GATD1: variants seen among roughly 807,000 people sequenced by gnomAD.
GATD1 encodes the protein glutamine amidotransferase-like class 1 domain-containing protein 1.
Under a neutral mutation model 25.9 loss-of-function variants are expected in GATD1, and 23 were observed. That is an observed-to-expected ratio of 0.89 (90% CI 0.64 to 1.26). The LOEUF is 1.26. Among genes scored for constraint, GATD1 ranks in the 50% most tolerant of loss-of-function variants. The pLI, the probability that GATD1 is intolerant of heterozygous loss-of-function variation, is 0.00. For missense variants in GATD1, 347 were observed against 312.5 expected, an observed-to-expected ratio of 1.11 and a Z score of -0.83; for synonymous variants, 177 against 134.6, an observed-to-expected ratio of 1.31 and a Z score of -2.18.
rs1863195162 is a variant in GATD1 at position 768,662 on chromosome 11, A to G, written c.*2235T>C. 6.6e-6 allele frequency: 1 copy of G among 151,786 alleles called. No individual in the cohort carries two copies. The highest frequency in any genetic ancestry group is 1.5e-5 in the Non-Finnish European group (1 of 67,968). 9.4% of individuals were successfully genotyped at this position (151,786 alleles called of 1,614,324 possible). A position where few individuals can be genotyped will look rare whatever the true frequency, so the allele number is the denominator to read the frequency against. Reference sequence around the variant, plus strand: ...AGTGAGACTCCATCCAAAAAATAAAATAAAAATAAAAAAGTACTTGTTAGC... The same window carrying G: ...AGTGAGACTCCATCCAAAAAATAAAGTAAAAATAAAAAAGTACTTGTTAGC... On this transcript the variant is annotated 3_prime_UTR_variant, in exon 8 of 8. Coordinates refer to ENST00000319863, the MANE Select transcript of GATD1 (RefSeq NM_182612.4).
intron 5 of GATD1, 126 bp from the exon 6 acceptor site, chr11:771,552 A>C (rs774755865): frequency 2.1e-6 from 3 of 1,421,734 alleles, no homozygotes; most frequent in Admixed American, 6.0e-5. Flanking sequence ...GTCACTGCTC[A>C]TAACAGGGAC....
At chr11:775,608 C>A (rs980065043) in intron 1 of GATD1, among the ~76,000 whole-genome samples, 11 of 152,182 alleles carry the variant, frequency 7.2e-5, no homozygotes, top group Admixed American at 7.2e-4. Context: ...CTCACTGAAC[C>A]ACCAGGGACT....
At position 777,408 on chromosome 11, in the gene GATD1, C is replaced by A; in HGVS notation, c.55G>T (p.Ala19Ser). ...RPACLLVASG[A>S]AEGVSAQSFL... ...GGCCGCCGGGCCTCACCTTCGGCGG[C>A]GCCGCTGGCCACGAGCAGACAGGCG... The change falls in exon 1 of 8, where the codon GCC (alanine) becomes TCC (serine). Residue 19 changes from alanine to serine, a missense_variant. Ala to Ser is a moderately conservative substitution (Grantham distance 99). Transcript: ENST00000319863. The A allele has an allele frequency of 7.7e-7, 1 of 1,296,068 alleles. No individual in the cohort carries two copies. The highest frequency in any genetic ancestry group is 9.8e-7 in the Non-Finnish European group (1 of 1,020,588). 80.3% of individuals were successfully genotyped at this position (1,296,068 alleles called of 1,614,324 possible).
chr11:776,324 C>G (rs904662171), intron 1 of GATD1, among the ~76,000 whole-genome samples: 1 of 152,096 alleles, frequency 6.6e-6, no homozygotes, highest in Admixed American at 6.6e-5. Context: ...TGTAAAATGT[C>G]CACTTATCGA....
At chr11:776,147 TAA>T (rs1218242342) in intron 1 of GATD1, among the ~76,000 whole-genome samples, 1 of 151,842 alleles carries the variant, frequency 6.6e-6, no homozygotes, top group Admixed American at 6.6e-5. Context: ...CACGCCCAGC[TAA>T]TTTTTGTACT....
intron 1 of GATD1, among the ~76,000 whole-genome samples, chr11:775,976 C>CT (rs71022972): frequency 0.12 from 8,759 of 70,890 alleles, 2,014 homozygotes; most frequent in African/African-American, 0.28. Flanking sequence ...TATCTTCATT[C>CT]TTTTTTTTTT....
At position 767,421 on chromosome 11, in the gene GATD1, G is replaced by C. The variant is rs1394874791; in HGVS notation, c.*3476C>G. 2.0e-6 allele frequency: 3 copies of C among 1,516,270 alleles called. No homozygotes were observed. In the East Asian group the frequency reaches 7.4e-5, roughly 37 times the overall value. The allele number at this position is 1,516,270 out of a possible 1,614,324, so 93.9% of individuals were successfully genotyped here. ...CAGCGGGGAGGCTCTCCAAGCCAGA[G>C]GCCTCGCACGCAGCTGAGGAATGAC... is the stretch of plus-strand genomic sequence containing the variant. On this transcript the variant is annotated 3_prime_UTR_variant, in exon 8 of 8. Transcript: ENST00000319863.
rs756923954 is a variant in GATD1, at chr11:771,424, G to C, written c.453C>G (p.Pro151=). The change falls in exon 6 of 8, where the codon CCC becomes CCG. Residue 151 remains proline, a splice_region_variant and synonymous_variant. Coordinates refer to ENST00000319863, the MANE Select transcript of GATD1 (RefSeq NM_182612.4). The part of the protein sequence containing the change: ...WVFDSYSLTG[P]SVCELVRAPG... ...GGGCCCTGACGAGCTCACACACAGA[G>C]GGCTGCGGGAGCGGGGTGGGGGCTC... The C allele has an allele frequency of 2.6e-6, 4 of 1,529,278 alleles. No homozygotes were observed. Among genetic ancestry groups the C allele is most frequent in the Non-Finnish European group, 3.5e-6 (4 of 1,142,212 alleles). The allele number at this position is 1,529,278 out of a possible 1,614,324, so 94.7% of individuals were successfully genotyped here. A position where few individuals can be genotyped will look rare whatever the true frequency, so the allele number is the denominator to read the frequency against.
rs77965970 is a variant in GATD1 at position 770,732 on chromosome 11, C to T, written c.*165G>A. ...GGACCCTCCAGGAGAGCCGACACCC[C>T]CTCAGAGCTGATTCCAGGAGGCCTC... On this transcript the variant is annotated 3_prime_UTR_variant, in exon 8 of 8. Transcript: ENST00000319863. 1.1e-4 allele frequency: 160 copies of T among 1,482,044 alleles called. No homozygotes were observed. The African/African-American group carries it at 2.0e-3, about 19-fold the overall frequency. 91.8% of individuals were successfully genotyped at this position (1,482,044 alleles called of 1,614,324 possible).
Position 770,333 on chromosome 11 carries a change from G to T in GATD1, c.*564C>A. On this transcript the variant is annotated 3_prime_UTR_variant, in exon 8 of 8. Transcript: ENST00000319863. The stretch of plus-strand genomic sequence containing the variant: ...GCTTACACTTTGAAACCACACGCCA[G>T]GAAGATTTCTTCAACAGGAAAGTGC... The T allele has an allele frequency of 1.3e-6, 2 of 1,534,560 alleles. No individual in the cohort carries two copies. Among genetic ancestry groups the T allele is most frequent in the Middle Eastern group, 1.7e-4 (1 of 5,976 alleles).
At position 770,592 on chromosome 11, in the gene GATD1, C is replaced by A; in HGVS notation, c.*305G>T. On this transcript the variant is annotated 3_prime_UTR_variant, in exon 8 of 8. Coordinates refer to ENST00000319863, the MANE Select transcript of GATD1 (RefSeq NM_182612.4). ...GACCACACGTGACAACCAGTCCTCC[C>A]TAGAAAACCCAGCCTGGAATTCCCG... The A allele has an allele frequency of 7.1e-7, 1 of 1,412,874 alleles. No homozygotes were observed. The allele number at this position is 1,412,874 out of a possible 1,614,324, so 87.5% of individuals were successfully genotyped here. A position where few individuals can be genotyped will look rare whatever the true frequency, so the allele number is the denominator to read the frequency against.
At position 767,515 on chromosome 11, in the gene GATD1, C is replaced by T. The variant is rs899282753; in HGVS notation, c.*3382G>A. 107 of 1,427,254 alleles carry T rather than the reference C, an allele frequency of 7.5e-5. No homozygotes were observed. The highest frequency in any genetic ancestry group is 2.6e-4 in the Middle Eastern group (1 of 3,902). The allele number at this position is 1,427,254 out of a possible 1,614,324, so 88.4% of individuals were successfully genotyped here. On this transcript the variant is annotated 3_prime_UTR_variant, in exon 8 of 8. Transcript: ENST00000319863. ...CCCCGCGTCAGAACCCACTTCACAT[C>T]CCAAAGCCCCACCTGCTTTGATCTT...
chr11:767,394 C>A lies in GATD1; in HGVS notation c.*3503G>T. 6.5e-7 allele frequency: 1 copy of A among 1,533,230 alleles called. No individual in the cohort carries two copies. Among genetic ancestry groups the A allele is most frequent in the Non-Finnish European group, 8.7e-7 (1 of 1,145,492 alleles). 95.0% of individuals were successfully genotyped at this position (1,533,230 alleles called of 1,614,324 possible). On this transcript the variant is annotated 3_prime_UTR_variant, in exon 8 of 8. Coordinates refer to ENST00000319863, the MANE Select transcript of GATD1 (RefSeq NM_182612.4). ...CTGCCCTGGCAAAGAGAGAACTGTG[C>A]ACAGCGGGGAGGCTCTCCAAGCCAG...
chr11:767,631 T>C lies in GATD1; in HGVS notation c.*3266A>G. 1 of 1,325,632 alleles carries C rather than the reference T, an allele frequency of 7.5e-7. No homozygotes were observed. The highest frequency in any genetic ancestry group is 1.9e-5 in the South Asian group (1 of 53,894). 82.1% of individuals were successfully genotyped at this position (1,325,632 alleles called of 1,614,324 possible). ...TGCACCCTGCTGTGGCCTGAGCACG[T>C]CCCCCCAAAACCCACCTGCTTAAGT... On this transcript the variant is annotated 3_prime_UTR_variant, in exon 8 of 8. Coordinates refer to ENST00000319863, the MANE Select transcript of GATD1 (RefSeq NM_182612.4).
chr11:767,375 T>C lies in GATD1; in HGVS notation c.*3522A>G. 6.5e-7 allele frequency: 1 copy of C among 1,535,742 alleles called. No individual in the cohort carries two copies. Among genetic ancestry groups the C allele is most frequent in the Non-Finnish European group, 8.7e-7 (1 of 1,146,700 alleles). On this transcript the variant is annotated 3_prime_UTR_variant, in exon 8 of 8. Transcript: ENST00000319863. Reference sequence around the variant, plus strand: ...CCTGGTGCTGCCCCAAGCCCTGCCCTGGCAAAGAGAGAACTGTGCACAGCG... The same window carrying C: ...CCTGGTGCTGCCCCAAGCCCTGCCCCGGCAAAGAGAGAACTGTGCACAGCG...
In GATD1 at chr11:777,473, C is replaced by T. The variant is rs1864139027; in HGVS notation, c.-11G>A. ...CCGCTCGGACGCCATGGCTCGGGCT[C>T]GGCGCTGGGTCTGCGCGTGCGCGGC... is the stretch of plus-strand genomic sequence containing the variant. On this transcript the variant is annotated 5_prime_UTR_variant, in exon 1 of 8. Coordinates refer to ENST00000319863, the MANE Select transcript of GATD1 (RefSeq NM_182612.4). 1.6e-6 allele frequency: 2 copies of T among 1,230,594 alleles called. No homozygotes were observed. The highest frequency in any genetic ancestry group is 2.0e-6 in the Non-Finnish European group (2 of 984,328). 76.2% of individuals were successfully genotyped at this position (1,230,594 alleles called of 1,614,324 possible).
intron 2 of GATD1, 45 bp from the exon 3 acceptor site, chr11:774,158 T>A: frequency 6.4e-7 from 1 of 1,550,866 alleles, no homozygotes; most frequent in Non-Finnish European, 8.9e-7. Context: ...ACCAGGGATA[T>A]CCCTGTCGGC....
chr11:771,196 G>A, intron 6 of GATD1, 92 bp from the exon 7 acceptor site: 2 of 1,544,702 alleles, frequency 1.3e-6, no homozygotes, highest in Non-Finnish European at 1.7e-6. Context: ...GTCAGCAGTA[G>A]GTCAGCCTGT....
chr11:775,143 C>A lies in GATD1; in HGVS notation c.65-1G>T. 6.3e-7 allele frequency: 1 copy of A among 1,598,818 alleles called. No homozygotes were observed. On this transcript the variant is annotated splice_acceptor_variant, in intron 1 of 7. Coordinates refer to ENST00000319863, the MANE Select transcript of GATD1 (RefSeq NM_182612.4). LOFTEE classifies it high-confidence loss of function. ...TGGAGGAAGGACTGGGCCGACACACCTGCAGAAGGTCCCAGTGAGTGTGGG... is the reference window on the plus strand; with the variant it reads ...TGGAGGAAGGACTGGGCCGACACACATGCAGAAGGTCCCAGTGAGTGTGGG...
Sources: gnomAD v4.1 joint callset for allele counts (sites outside exome capture counted in the v4.1 genomes callset) on GRCh38, gnomAD v4.1.1 for gene constraint, MANE v1.5 for transcripts, NCBI Gene and HGNC (gene_info 2026-07-23, HGNC 2026-07-21) for gene names.